The following NKAIN3 variants were observed in gnomAD, a reference collection of about 807,000 sequenced individuals.
The protein encoded by NKAIN3 is sodium/potassium transporting ATPase interacting 3.
Under a neutral mutation model 30.2 loss-of-function variants are expected in NKAIN3, and 25 were observed. The ratio of observed to expected loss-of-function variants is 0.83; its 90% CI spans 0.60 to 1.16. The LOEUF (loss-of-function observed/expected upper bound fraction) is 1.16. Ranked by LOEUF, NKAIN3 falls within the 50% of genes most tolerant of loss-of-function variation. The pLI is 0.00. For synonymous variants in NKAIN3, 91 were observed against 89.6 expected (o/e 1.02, Z -0.09); for missense variants, 225 against 254.1 (o/e 0.89, Z 0.78).
chr8:62,420,996 C>G (rs963826120), intron 1 of NKAIN3, among the ~76,000 whole-genome samples: 1 of 152,126 alleles, frequency 6.6e-6, no homozygotes, highest in African/African-American at 2.4e-5. Context: ...ATGACTATAT[C>G]GGGTCTTAAA....
chr8:62,827,586 G>T (rs1392832760), intron 4 of NKAIN3, among the ~76,000 whole-genome samples: 2 of 152,096 alleles, frequency 1.3e-5, no homozygotes, highest in East Asian at 3.9e-4. Flanking sequence ...GATGACCTGT[G>T]TGTCTCTCTG....
chr8:62,540,288 A>G (rs1256705460), intron 1 of NKAIN3, among the ~76,000 whole-genome samples: 1 of 152,144 alleles, frequency 6.6e-6, no homozygotes, highest in African/African-American at 2.4e-5. Context: ...TCACCTTGAA[A>G]GAGATTTAAC....
chr8:62,289,587 A>G (rs189689078), intron 1 of NKAIN3, among the ~76,000 whole-genome samples: 1 of 152,006 alleles, frequency 6.6e-6, no homozygotes. Context: ...GCTCTATTCT[A>G]TTCTATTGGT....
chr8:62,905,702 C>T (rs936074301), intron 4 of NKAIN3, among the ~76,000 whole-genome samples: 1 of 152,092 alleles, frequency 6.6e-6, no homozygotes, highest in Non-Finnish European at 1.5e-5. Flanking sequence ...TGTTCTTAAC[C>T]AATCAGAGAC....
In NKAIN3 at chr8:62,746,995, G is replaced by C; in HGVS notation, c.337G>C (p.Gly113Arg). ...GTCATGGTGGAGAGAACATGGGCCT[G>C]GTTGTGTCAGAAGAGTGCTGCCTCC... ...HRSWWREHGP[G>R]CVRRVLPPSA... The change falls in exon 4 of 7, where the codon GGT becomes CGT. Residue 113 changes from glycine (G) to arginine (R), a missense_variant. Transcript: ENST00000623646. 6.8e-6 allele frequency: 11 copies of C among 1,613,858 alleles called. No homozygotes were observed. The highest frequency in any genetic ancestry group is 9.3e-6 in the Non-Finnish European group (11 of 1,179,784).
chr8:62,671,533 T>A (rs531647771), intron 3 of NKAIN3, among the ~76,000 whole-genome samples: 6 of 152,298 alleles, frequency 3.9e-5, no homozygotes, highest in Non-Finnish European at 7.4e-5. Flanking sequence ...ATAATTTTAT[T>A]ACTTTCCTAG....
intron 1 of NKAIN3, among the ~76,000 whole-genome samples, chr8:62,440,642 C>T (rs1805296199): frequency 6.6e-6 from 1 of 151,852 alleles, no homozygotes; most frequent in South Asian, 2.1e-4. Flanking sequence ...TCTTGCTCTT[C>T]ATTAACTCTC....
At chr8:62,425,413 A>G (rs1804777150) in intron 1 of NKAIN3, among the ~76,000 whole-genome samples, 1 of 151,892 alleles carries the variant, frequency 6.6e-6, no homozygotes. Flanking sequence ...AATTAATTTT[A>G]TGTCTTTTTC....
intron 1 of NKAIN3, 108 bp downstream of exon 1, chr8:62,249,235 C>G: frequency 4.3e-6 from 4 of 932,540 alleles, no homozygotes; most frequent in Non-Finnish European, 6.2e-6. Flanking sequence ...AACGGGTGAA[C>G]AGGGCGCTCC....
At chr8:62,365,357 A>T (rs891254134) in intron 1 of NKAIN3, among the ~76,000 whole-genome samples, 4 of 20,268 alleles carry the variant, frequency 2.0e-4, no homozygotes, top group Non-Finnish European at 4.7e-4. Flanking sequence ...ACTCATAAAC[A>T]ATATGGTATT....
At chr8:62,524,702 G>A (rs1471941209) in intron 1 of NKAIN3, among the ~76,000 whole-genome samples, 1 of 152,188 alleles carries the variant, frequency 6.6e-6, no homozygotes, top group East Asian at 1.9e-4. Context: ...AGTTTGTTTT[G>A]CTTTCTTTGC....
chr8:62,318,525 A>G (rs1814743982), intron 1 of NKAIN3, among the ~76,000 whole-genome samples: 2 of 152,168 alleles, frequency 1.3e-5, no homozygotes, highest in Admixed American at 6.5e-5. Flanking sequence ...GAAGTTGTCA[A>G]AGGCCTTTTC....
At chr8:62,255,780 G>T (rs1812243299) in intron 1 of NKAIN3, among the ~76,000 whole-genome samples, 1 of 152,176 alleles carries the variant, frequency 6.6e-6, no homozygotes, top group East Asian at 1.9e-4. Flanking sequence ...AGGACTCCTG[G>T]ACAGTGCTGC....
intron 1 of NKAIN3, among the ~76,000 whole-genome samples, chr8:62,266,987 A>T (rs1585613325): frequency 6.6e-6 from 1 of 152,336 alleles, no homozygotes; most frequent in African/African-American, 2.4e-5. Flanking sequence ...CCACTTCAGT[A>T]AATGTTGCTA....
At chr8:62,396,343 G>A (rs2351658) in intron 1 of NKAIN3, among the ~76,000 whole-genome samples, 152,337 of 152,346 alleles carry the variant, frequency 1, 76,164 homozygotes, top group Middle Eastern at 1. Context: ...TGGCTAGGCC[G>A]CAACCCGGTG....
At chr8:62,390,594 C>T (rs927809150) in intron 1 of NKAIN3, among the ~76,000 whole-genome samples, 1 of 152,074 alleles carries the variant, frequency 6.6e-6, no homozygotes, top group Admixed American at 6.6e-5. Flanking sequence ...GGTGTTTCTG[C>T]CTCTAGGTCT....
intron 3 of NKAIN3, among the ~76,000 whole-genome samples, chr8:62,741,026 G>GA (rs34258703): frequency 0.14 from 19,422 of 134,360 alleles, 1,549 homozygotes; most frequent in Non-Finnish European, 0.21. Flanking sequence ...TAAACTTTAT[G>GA]AAAAAAAAAA....
chr8:62,656,990 A>G (rs1812781895), intron 3 of NKAIN3, among the ~76,000 whole-genome samples: 1 of 152,214 alleles, frequency 6.6e-6, no homozygotes, highest in Admixed American at 6.5e-5. Flanking sequence ...GTGTTTTCTA[A>G]GCTAAAACAT....
chr8:62,943,021 T>G (rs1397699242), intron 5 of NKAIN3, among the ~76,000 whole-genome samples: 1 of 151,978 alleles, frequency 6.6e-6, no homozygotes, highest in East Asian at 1.9e-4. Flanking sequence ...CAACAAAAAC[T>G]ATGATAAATA....
Sources: gnomAD v4.1 joint callset for allele counts (sites outside exome capture counted in the v4.1 genomes callset) on GRCh38, gnomAD v4.1.1 for gene constraint, MANE v1.5 for transcripts, NCBI Gene and HGNC (gene_info 2026-07-23, HGNC 2026-07-21) for gene names.